The following TENM3 variants were observed in gnomAD, a reference collection of about 807,000 sequenced individuals.
TENM3 encodes the protein teneurin transmembrane protein 3, also known as teneurin-3.
In TENM3, 63 loss-of-function variants were observed where a neutral mutation model predicts 255.1. That is an observed-to-expected ratio of 0.25 (90% CI 0.20 to 0.30). The LOEUF is 0.30. Among genes scored for constraint, TENM3 ranks in the 10% least tolerant of loss-of-function variants. TENM3 has a pLI of 1.00. For missense variants in TENM3, 2,929 were observed against 3,461.1 expected (o/e 0.85, Z 3.86); for synonymous variants, 1,306 against 1,322.3 (o/e 0.99, Z 0.27).
At chr4:181,962,288 A>T in the TENM3 span, among the ~76,000 whole-genome samples, 5 of 152,248 alleles carry the variant, frequency 3.3e-5, no homozygotes, top group African/African-American at 1.2e-4. Context: ...GCCAGGATCC[A>T]AATTCCAGAA....
chr4:182,598,118 C>A (rs765722735), intron 3 of TENM3, among the ~76,000 whole-genome samples: 5 of 152,172 alleles, frequency 3.3e-5, no homozygotes, highest in South Asian at 2.1e-4. Flanking sequence ...GAGGTCAAGG[C>A]TGCAGTGAGC....
chr4:181,954,671 G>C, the TENM3 span, among the ~76,000 whole-genome samples: 2 of 152,008 alleles, frequency 1.3e-5, no homozygotes, highest in African/African-American at 4.8e-5. Context: ...TTGGTCAGTG[G>C]CTTGATTTTT....
chr4:181,746,883 G>A, the TENM3 span, among the ~76,000 whole-genome samples: 13 of 151,750 alleles, frequency 8.6e-5, no homozygotes, highest in African/African-American at 2.7e-4. Flanking sequence ...GCTTACTTAC[G>A]GGTGTGCCAA....
At chr4:182,706,598 T>A (rs549447763) in intron 12 of TENM3, among the ~76,000 whole-genome samples, 21 of 152,336 alleles carry the variant, frequency 1.4e-4, no homozygotes, top group Middle Eastern at 6.8e-3. Flanking sequence ...GAGGACATAC[T>A]AAGGCCACCA....
At chr4:182,711,290 G>C (rs1287246147) in intron 12 of TENM3, among the ~76,000 whole-genome samples, 1 of 152,190 alleles carries the variant, frequency 6.6e-6, no homozygotes, top group Non-Finnish European at 1.5e-5. Flanking sequence ...TTATAAAGGA[G>C]AATGTTGAAA....
chr4:182,795,006 C>A (rs1484883390), intron 26 of TENM3, among the ~76,000 whole-genome samples: 4 of 151,808 alleles, frequency 2.6e-5, no homozygotes, highest in African/African-American at 7.3e-5. Flanking sequence ...GTGTTAGATG[C>A]TCCTTTAGGC....
chr4:182,574,452 C>G (rs1744721439), intron 3 of TENM3, among the ~76,000 whole-genome samples: 1 of 151,926 alleles, frequency 6.6e-6, no homozygotes, highest in Admixed American at 6.6e-5. Flanking sequence ...TGAAACTTTT[C>G]CTTTATTAGT....
chr4:181,759,297 T>A, the TENM3 span, among the ~76,000 whole-genome samples: 1 of 152,218 alleles, frequency 6.6e-6, no homozygotes, highest in East Asian at 1.9e-4. Context: ...AAATGAGGGT[T>A]CCAATAGAGG....
intron 1 of TENM3, among the ~76,000 whole-genome samples, chr4:182,191,345 C>A (rs1200275780): frequency 6.6e-6 from 1 of 152,126 alleles, no homozygotes; most frequent in Non-Finnish European, 1.5e-5. Context: ...CTGTGTGCCT[C>A]CCACTCTTTG....
At chr4:182,058,267 G>A in the TENM3 span, among the ~76,000 whole-genome samples, 3 of 151,744 alleles carry the variant, frequency 2.0e-5, no homozygotes, top group Admixed American at 6.6e-5. Flanking sequence ...GTAGACAGTC[G>A]TATGGCTACC....
intron 2 of TENM3, among the ~76,000 whole-genome samples, chr4:182,336,950 C>T (rs1333736674): frequency 6.7e-6 from 1 of 149,886 alleles, no homozygotes; most frequent in Non-Finnish European, 1.5e-5. Flanking sequence ...CCACTGTATA[C>T]ATGAGGAATA....
the TENM3 span, among the ~76,000 whole-genome samples, chr4:182,100,283 C>A: frequency 6.6e-6 from 1 of 151,606 alleles, no homozygotes; most frequent in African/African-American, 2.4e-5. Context: ...ACATCCATTT[C>A]TTCATGTCTC....
At chr4:182,611,328 A>AAAAT (rs10659374) in intron 4 of TENM3, among the ~76,000 whole-genome samples, 63,199 of 151,338 alleles carry the variant, frequency 0.42, 13,386 homozygotes, top group African/African-American at 0.44. Context: ...AGGATGAACT[A>AAAAT]AAACAATTTT....
At chr4:182,378,441 A>G (rs1767331867) in intron 3 of TENM3, among the ~76,000 whole-genome samples, 1 of 152,214 alleles carries the variant, frequency 6.6e-6, no homozygotes, top group South Asian at 2.1e-4. Flanking sequence ...TAGGAGAGGG[A>G]GACTTCTTTG....
At chr4:181,684,241 C>A in the TENM3 span, among the ~76,000 whole-genome samples, 1 of 152,126 alleles carries the variant, frequency 6.6e-6, no homozygotes, top group Non-Finnish European at 1.5e-5. Flanking sequence ...TGGGCCGTGA[C>A]AACAGTGAAG....
the TENM3 span, among the ~76,000 whole-genome samples, chr4:181,769,675 T>C: frequency 6.6e-6 from 1 of 152,210 alleles, no homozygotes; most frequent in African/African-American, 2.4e-5. Context: ...TTGCAGTGAT[T>C]AGGTGTAGTC....
At chr4:181,588,922 T>C in the TENM3 span, among the ~76,000 whole-genome samples, 3 of 152,318 alleles carry the variant, frequency 2.0e-5, no homozygotes, top group Admixed American at 6.5e-5. Flanking sequence ...ATGTGTCTCA[T>C]TGAAAAATTG....
chr4:182,685,840 A>T (rs1756528716), intron 11 of TENM3, among the ~76,000 whole-genome samples: 1 of 152,122 alleles, frequency 6.6e-6, no homozygotes, highest in Admixed American at 6.5e-5. Context: ...TATTACCTGA[A>T]TTATTTTATA....
the TENM3 span, among the ~76,000 whole-genome samples, chr4:181,896,665 G>T: frequency 2.0e-5 from 3 of 152,142 alleles, no homozygotes; most frequent in African/African-American, 7.2e-5. Flanking sequence ...TTGACCACTG[G>T]GGTGTATTTG....
Sources: allele counts gnomAD v4.1 joint callset (sites outside exome capture counted in the v4.1 genomes callset), GRCh38; gene constraint gnomAD v4.1.1; transcripts MANE v1.5; gene names NCBI Gene and HGNC (gene_info 2026-07-23, HGNC 2026-07-21).